Variants in NRG1 observed in about 807,000 individuals in gnomAD.
NRG1 encodes the protein pro-neuregulin-1, membrane-bound isoform.
A neutral mutation model predicts 63.8 loss-of-function variants in NRG1; 18 were observed. That is an observed-to-expected ratio of 0.28 (90% CI 0.19 to 0.42). The LOEUF (loss-of-function observed/expected upper bound fraction) is 0.42, where lower values mean the gene tolerates loss of function less well. Among genes scored for constraint, NRG1 ranks in the 10% least tolerant of loss-of-function variants. The pLI, the probability that NRG1 is intolerant of heterozygous loss-of-function variation, is 1.00. For missense variants in NRG1, 762 were observed against 814.7 expected (o/e 0.94, Z 0.79); for synonymous variants, 302 against 301.3 (o/e 1.00, Z -0.02).
At chr8:32,088,141 G>A (rs114606550) in intron 1 of NRG1, among the ~76,000 whole-genome samples, 1,665 of 152,272 alleles carry the variant, frequency 0.011, 28 homozygotes, top group African/African-American at 0.038. Context: ...ACACTTTGGA[G>A]TACCTCATGA....
intron 1 of NRG1, among the ~76,000 whole-genome samples, chr8:32,063,993 G>T (rs1824321677): frequency 6.6e-6 from 1 of 152,044 alleles, no homozygotes; most frequent in African/African-American, 2.4e-5. Flanking sequence ...GTATTTATTG[G>T]AGTCCAGGGT....
At chr8:31,938,508 A>AC (rs1351113750) in intron 1 of NRG1, among the ~76,000 whole-genome samples, 1 of 152,024 alleles carries the variant, frequency 6.6e-6, no homozygotes, top group Non-Finnish European at 1.5e-5. Context: ...GTTATTTAAC[A>AC]CCCCCCAAAA....
Position 31,959,136 on chromosome 8 carries a change from T to TA in NRG1, c.37+319706dup, listed in dbSNP as rs1250252511. On this transcript the variant is annotated intron_variant, in intron 1 of 10. Transcript: ENST00000519301. ...CAGCACATACTGGTTGCTCAATAAA[T>TA]ACCAGTTTCTTTCCCTTTTACTACT... Among the ~76,000 whole-genome samples the TA allele has an allele frequency of 4.6e-5, 7 of 152,300 alleles. No homozygotes were observed. The East Asian group carries it at 1.4e-3, about 29-fold the overall frequency.
At chr8:31,906,917 A>G (rs769414561) in intron 1 of NRG1, among the ~76,000 whole-genome samples, 3 of 152,236 alleles carry the variant, frequency 2.0e-5, no homozygotes, top group Non-Finnish European at 4.4e-5. Context: ...GAGATAAGTT[A>G]GGATAAAACT....
intron 1 of NRG1, among the ~76,000 whole-genome samples, chr8:32,362,693 G>A (rs934802476): frequency 9.2e-5 from 14 of 152,048 alleles, no homozygotes; most frequent in African/African-American, 3.4e-4. Context: ...TCACAATCTC[G>A]AGCCAAGTAA....
At chr8:32,202,099 A>G (rs1461583647) in intron 1 of NRG1, among the ~76,000 whole-genome samples, 2 of 152,180 alleles carry the variant, frequency 1.3e-5, no homozygotes, top group African/African-American at 4.8e-5. Context: ...GTCAAAGAAA[A>G]GTGGATGCTT....
intron 1 of NRG1, among the ~76,000 whole-genome samples, chr8:32,241,344 A>C (rs1209309410): frequency 6.6e-6 from 1 of 151,768 alleles, no homozygotes; most frequent in Non-Finnish European, 1.5e-5. Context: ...TATATTTACA[A>C]CTCTTTATTT....
At chr8:31,859,611 T>C (rs1278075390) in intron 1 of NRG1, among the ~76,000 whole-genome samples, 2 of 152,210 alleles carry the variant, frequency 1.3e-5, no homozygotes, top group African/African-American at 4.8e-5. Context: ...TATTGAAGAA[T>C]AAAACAGCCA....
intron 1 of NRG1, among the ~76,000 whole-genome samples, chr8:31,663,794 T>C (rs1488007911): frequency 6.6e-6 from 1 of 152,182 alleles, no homozygotes; most frequent in Non-Finnish European, 1.5e-5. Flanking sequence ...GTTAGTTTTT[T>C]TCTCCCATTC....
chr8:32,406,792 T>C (rs1215865836), intron 1 of NRG1, among the ~76,000 whole-genome samples: 1 of 152,164 alleles, frequency 6.6e-6, no homozygotes, highest in Admixed American at 6.5e-5. Context: ...GTGATAAGTA[T>C]TTTTGCTTAA....
intron 1 of NRG1, among the ~76,000 whole-genome samples, chr8:32,104,104 T>A (rs1830939624): frequency 6.6e-6 from 1 of 152,208 alleles, no homozygotes; most frequent in Non-Finnish European, 1.5e-5. Context: ...TGTGTGAACA[T>A]CACAGAGTGC....
chr8:32,457,941 TAG>T (rs1371147955), intron 1 of NRG1, among the ~76,000 whole-genome samples: 2 of 151,744 alleles, frequency 1.3e-5, no homozygotes, highest in East Asian at 1.9e-4. Flanking sequence ...TTTTTTGAGA[TAG>T]AGTCTCACTC....
chr8:31,751,032 G>T (rs1226338306), intron 1 of NRG1, among the ~76,000 whole-genome samples: 1 of 152,082 alleles, frequency 6.6e-6, no homozygotes, highest in Non-Finnish European at 1.5e-5. Flanking sequence ...TATAGAGGTG[G>T]AAAGAAAGGG....
At chr8:32,489,122 G>A (rs867677520) in intron 1 of NRG1, among the ~76,000 whole-genome samples, 7 of 152,170 alleles carry the variant, frequency 4.6e-5, no homozygotes, top group African/African-American at 1.7e-4. Context: ...CCTATTTCCA[G>A]CACTTCACAT....
intron 1 of NRG1, among the ~76,000 whole-genome samples, chr8:32,312,414 C>A (rs12543868): frequency 1 from 147,402 of 147,468 alleles, 73,668 homozygotes; most frequent in Middle Eastern, 1. Context: ...ACCTCAAGTG[C>A]TCCACCTGCC....
chr8:32,749,431 G>A (rs1828237002), intron 7 of NRG1: 3 of 920,560 alleles, frequency 3.3e-6, no homozygotes, highest in Non-Finnish European at 5.3e-6. Flanking sequence ...CACACCATTT[G>A]TCTGGTTCAA....
At chr8:32,126,199 AAGATAATGGCT>A (rs1422109246) in intron 1 of NRG1, among the ~76,000 whole-genome samples, 1 of 151,866 alleles carries the variant, frequency 6.6e-6, no homozygotes, top group Non-Finnish European at 1.5e-5. Context: ...GGTATCGCAA[AAGATAATGGCT>A]ATTAATGAAT....
At chr8:31,865,077 G>T (rs1173529487) in intron 1 of NRG1, among the ~76,000 whole-genome samples, 1 of 152,078 alleles carries the variant, frequency 6.6e-6, no homozygotes, top group Non-Finnish European at 1.5e-5. Flanking sequence ...CTTTCCTGGG[G>T]CCAAAGCGTT....
chr8:32,520,405 C>T (rs889596453), intron 1 of NRG1, among the ~76,000 whole-genome samples: 13 of 152,046 alleles, frequency 8.6e-5, no homozygotes, highest in East Asian at 7.8e-4. Flanking sequence ...GGGATCCACC[C>T]GCCTCGGCTT....
Sources: allele counts gnomAD v4.1 joint callset (sites outside exome capture counted in the v4.1 genomes callset), GRCh38; gene constraint gnomAD v4.1.1; transcripts MANE v1.5; gene names NCBI Gene and HGNC (gene_info 2026-07-23, HGNC 2026-07-21).